Variants in MYO18A observed in about 807,000 individuals in gnomAD.
MYO18A encodes unconventional myosin-XVIIIa.
Under a neutral mutation model 235.8 loss-of-function variants are expected in MYO18A, and 78 were observed. The observed-to-expected ratio is 0.33, with a 90% CI of 0.28 to 0.40. MYO18A has a LOEUF of 0.40. MYO18A is among the 10% of genes least tolerant of loss of function. The pLI, the probability that MYO18A is intolerant of heterozygous loss-of-function variation, is 1.00. For missense variants in MYO18A, 2,215 were observed against 2,699.3 expected, an observed-to-expected ratio of 0.82 and a Z score of 3.98; for synonymous variants, 977 against 1,077.8, an observed-to-expected ratio of 0.91 and a Z score of 1.83.
chr17:29,128,792 C>T (rs2067388404), intron 2 of MYO18A, among the ~76,000 whole-genome samples: 1 of 152,252 alleles, frequency 6.6e-6, no homozygotes, highest in Non-Finnish European at 1.5e-5. Context: ...ACTACTGTCA[C>T]CTGCTGTCTA....
rs1338838796 is a variant in MYO18A, at chr17:29,103,631, C to G, written c.3475G>C (p.Glu1159Gln). 6.2e-7 allele frequency: 1 copy of G among 1,613,940 alleles called. No homozygotes were observed. The highest frequency in any genetic ancestry group is 1.7e-5 in the Admixed American group (1 of 60,034). Reference protein sequence around the residue: ...VEELLECLDLEKSSCCMGLSR... With the variant: ...VEELLECLDLQKSSCCMGLSR... ...AGGCCCATGCAGCAGCTGCTCTTCT[C>G]CAGATCCAAGCACTCCAGCAGCTCC... The change falls in exon 21 of 42, where the codon GAG (glutamate) becomes CAG (glutamine). Residue 1159 changes from glutamate (E) to glutamine (Q), a missense_variant. Coordinates refer to ENST00000527372, the MANE Select transcript of MYO18A (RefSeq NM_078471.4).
intron 41 of MYO18A, chr17:29,079,969 T>C (rs1369727793): frequency 2.0e-6 from 2 of 985,910 alleles, no homozygotes; most frequent in African/African-American, 1.7e-5. Flanking sequence ...CTTCTTGCTC[T>C]TCCGAGAGCG....
At position 29,088,407 on chromosome 17, in the gene MYO18A, G is replaced by T. The variant is rs2066313226; in HGVS notation, c.5527-1286C>A. Reference sequence around the variant, plus strand: ...TCTCTCCAGCTCTCCTGAGAACTGTGACCCCGCCTTGGAAGGGTCAGTTGT... The same window carrying T: ...TCTCTCCAGCTCTCCTGAGAACTGTTACCCCGCCTTGGAAGGGTCAGTTGT... On this transcript the variant is annotated intron_variant, in intron 37 of 41. Transcript: ENST00000527372. Among the ~76,000 whole-genome samples, 2 of 152,056 alleles carry T rather than the reference G, an allele frequency of 1.3e-5. 1 individual carries two copies. The highest frequency in any genetic ancestry group is 4.1e-4 in the South Asian group (2 of 4,822).
At chr17:29,157,766 A>G (rs2068090706) in intron 2 of MYO18A, among the ~76,000 whole-genome samples, 1 of 151,958 alleles carries the variant, frequency 6.6e-6, no homozygotes, top group Non-Finnish European at 1.5e-5. Context: ...CCCCCAAGGC[A>G]TTTCTGTTTA....
chr17:29,154,099 A>AGTGTGTGTGTGTGTGTGTGTGTGT (rs200703096), intron 2 of MYO18A, among the ~76,000 whole-genome samples: 1 of 149,276 alleles, frequency 6.7e-6, no homozygotes, highest in African/African-American at 2.5e-5. Flanking sequence ...TAAATTCTGC[A>AGTGTGTGTGTGTGTGTGTGTGTGT]GAGTGTGTGT....
intron 2 of MYO18A, among the ~76,000 whole-genome samples, chr17:29,146,244 A>G (rs1379820330): frequency 1.4e-5 from 2 of 148,126 alleles, no homozygotes; most frequent in Non-Finnish European, 1.5e-5. Context: ...GGCGACAGAG[A>G]GAGACTCCAT....
chr17:29,109,548 C>T lies in MYO18A; in HGVS notation c.3331+310G>A, dbSNP rs1015193000. 2.0e-5 allele frequency among the ~76,000 whole-genome samples: 3 copies of T among 152,068 alleles called. 1 individual carries two copies. In the South Asian group the frequency reaches 6.2e-4, roughly 32 times the overall value. ...GCTGCTGTGGGCAAAGCTGAACTGT[C>T]CAAACTAGGGACGTGGGAAGAAAGG... On this transcript the variant is annotated intron_variant, in intron 19 of 41. Transcript: ENST00000527372. This position sits in a 1 kb window ranked among gnomAD's most constrained non-coding sequence, Gnocchi z 4.1.
rs777717870 is a variant in MYO18A at position 29,140,345 on chromosome 17, T to C, written c.1000-18092A>G. ...GGGGTCAGAGGGACACTCACCCGCA[T>C]GGCCTGGCCTGGAGCAGCCCAGAGC... On this transcript the variant is annotated intron_variant, in intron 2 of 41. Transcript: ENST00000527372. The surrounding 1 kb of genome is among the most constrained non-coding windows in gnomAD (Gnocchi z 4.2). 1 of 1,275,212 alleles carries C rather than the reference T, an allele frequency of 7.8e-7. No homozygotes were observed. Among genetic ancestry groups the C allele is most frequent in the South Asian group, 1.3e-5 (1 of 79,408 alleles). The allele number at this position is 1,275,212 out of a possible 1,614,324, so 79.0% of individuals were successfully genotyped here.
At chr17:29,098,774 C>T (rs1230050945) in intron 23 of MYO18A, 52 bp downstream of exon 23, 23 of 1,603,946 alleles carry the variant, frequency 1.4e-5, no homozygotes, top group South Asian at 7.8e-5. Context: ...CAAGATAAAC[C>T]AGCAAGGCTT....
intron 21 of MYO18A, 88 bp from the exon 22 acceptor site, chr17:29,099,850 C>T (rs2066612584): frequency 1.3e-6 from 2 of 1,536,090 alleles, no homozygotes; most frequent in Middle Eastern, 4.8e-4. Context: ...GAGAAACAAG[C>T]AGGCCAGGGA....
chr17:29,130,480 A>C (rs879729946), intron 2 of MYO18A, among the ~76,000 whole-genome samples: 38 of 30,990 alleles, frequency 1.2e-3, no homozygotes, highest in Admixed American at 2.8e-3. Flanking sequence ...TCTCCCACAC[A>C]CACACACACA....
At position 29,158,249 on chromosome 17, in the gene MYO18A, C is replaced by T. The variant is rs188861826; in HGVS notation, c.999+7693G>A. On this transcript the variant is annotated intron_variant, in intron 2 of 41. Coordinates refer to ENST00000527372, the MANE Select transcript of MYO18A (RefSeq NM_078471.4). The surrounding 1 kb of genome is among the most constrained non-coding windows in gnomAD (Gnocchi z 4.3). ...TCTGTGCAAAGCAACCGGGCTGAGT[C>T]GCACCAGGGCAGAACACCATGCCCT... Among the ~76,000 whole-genome samples the T allele has an allele frequency of 5.3e-4, 80 of 152,298 alleles. 1 individual carries two copies. The highest frequency in any genetic ancestry group is 2.6e-4 in the Admixed American group (4 of 15,296).
Position 29,111,483 on chromosome 17 carries a change from G to A in MYO18A, c.2841C>T (p.Asn947=). ...GGGTGGCTGGGTTCTGCTTGGTGTA[G>A]TTCAGCCAGCCAGTCACATTGTACT... ...WVEYNVTGWL[N]YTKQNPATQN... Residue 947 remains asparagine, a synonymous_variant, in exon 17 of 42, where the codon AAC becomes AAT. Transcript: ENST00000527372. The surrounding 1 kb of genome is among the most constrained non-coding windows in gnomAD (Gnocchi z 5.1). The A allele has an allele frequency of 1.2e-6, 2 of 1,612,506 alleles. No homozygotes were observed. The highest frequency in any genetic ancestry group is 1.7e-6 in the Non-Finnish European group (2 of 1,179,330).
In MYO18A at chr17:29,120,787, A is replaced by T. The variant is rs749966691; in HGVS notation, c.1586-29T>A. 1 of 1,602,016 alleles carries T rather than the reference A, an allele frequency of 6.2e-7. No homozygotes were observed. Among genetic ancestry groups the T allele is most frequent in the Non-Finnish European group, 8.5e-7 (1 of 1,172,824 alleles). ...CAGAATACAGGCCCAAGGGGATATC[A>T]GGAAAGCCAGGGGCAGCTTATCCCC... is the stretch of plus-strand genomic sequence containing the variant. On this transcript the variant is annotated intron_variant, in intron 6 of 41. Transcript: ENST00000527372. This position sits in a 1 kb window ranked among gnomAD's most constrained non-coding sequence, Gnocchi z 4.2.
chr17:29,094,893 T>C, intron 29 of MYO18A, 43 bp from the exon 30 acceptor site: 1 of 1,613,342 alleles, frequency 6.2e-7, no homozygotes, highest in Non-Finnish European at 8.5e-7. Flanking sequence ...TGACCCCAGG[T>C]TGTGAGGGGG....
In MYO18A at chr17:29,098,336, T is replaced by C; in HGVS notation, c.3870+20A>G. The C allele has an allele frequency of 6.2e-7, 1 of 1,612,428 alleles. No homozygotes were observed. The highest frequency in any genetic ancestry group is 8.5e-7 in the Non-Finnish European group (1 of 1,178,714). ...TCCCTGCAGCCATGCCCAGTCGGTGTGGTGCCAGGAGTCACTCACCCGGCT... is the reference window on the plus strand; with the variant it reads ...TCCCTGCAGCCATGCCCAGTCGGTGCGGTGCCAGGAGTCACTCACCCGGCT... On this transcript the variant is annotated intron_variant, in intron 24 of 41. Coordinates refer to ENST00000527372, the MANE Select transcript of MYO18A (RefSeq NM_078471.4).
At chr17:29,142,211 C>T (rs1247326913) in intron 2 of MYO18A, among the ~76,000 whole-genome samples, 5 of 152,200 alleles carry the variant, frequency 3.3e-5, no homozygotes, top group Non-Finnish European at 4.4e-5. Context: ...GAATTACAGG[C>T]GTGAGCCACT....
At chr17:29,157,326 C>A (rs927206249) in intron 2 of MYO18A, among the ~76,000 whole-genome samples, 38 of 152,204 alleles carry the variant, frequency 2.5e-4, no homozygotes, top group African/African-American at 2.4e-5. Flanking sequence ...AATGGTCACA[C>A]CCTTCTGCAG....
chr17:29,085,243 TC>T (rs1367776514), intron 40 of MYO18A, among the ~76,000 whole-genome samples: 1 of 152,176 alleles, frequency 6.6e-6, no homozygotes, highest in Non-Finnish European at 1.5e-5. Context: ...AACAGACTTT[TC>T]CCCCCAGAGA....
Sources: gnomAD v4.1 joint callset for allele counts (sites outside exome capture counted in the v4.1 genomes callset) on GRCh38, gnomAD v4.1.1 for gene constraint, Gnocchi (gnomAD v3.1) non-coding constraint, MANE v1.5 for transcripts, NCBI Gene and HGNC (gene_info 2026-07-23, HGNC 2026-07-21) for gene names.